Variants in OXR1 observed in about 807,000 individuals in gnomAD.
OXR1 encodes oxidation resistance 1, also known as oxidation resistance protein 1.
In OXR1, 41 loss-of-function variants were observed where a neutral mutation model predicts 104.6. That is an observed-to-expected ratio of 0.39 (90% confidence interval 0.31 to 0.51). The LOEUF (loss-of-function observed/expected upper bound fraction) is 0.51. OXR1 is among the 20% of genes least tolerant of loss of function. OXR1 has a pLI of 0.77. For missense variants in OXR1, 955 were observed against 1,031.9 expected, an observed-to-expected ratio of 0.93 and a Z score of 1.02; for synonymous variants, 348 against 348.4, an observed-to-expected ratio of 1.00 and a Z score of 0.01.
At chr8:106,276,975 C>G (rs1263992345) in intron 1 of OXR1, among the ~76,000 whole-genome samples, 1 of 151,852 alleles carries the variant, frequency 6.6e-6, no homozygotes, top group African/African-American at 2.4e-5. Context: ...GAAGATTGGC[C>G]CTTGCTGATA....
chr8:106,734,612 T>C (rs1834208362), intron 11 of OXR1, among the ~76,000 whole-genome samples: 1 of 152,200 alleles, frequency 6.6e-6, no homozygotes, highest in South Asian at 2.1e-4. Context: ...ATCTAAGAGA[T>C]GAACGTGTTC....
At chr8:106,361,935 TA>T (rs1343555918) in intron 2 of OXR1, among the ~76,000 whole-genome samples, 1 of 152,208 alleles carries the variant, frequency 6.6e-6, no homozygotes, top group East Asian at 1.9e-4. Flanking sequence ...CATGGGAATC[TA>T]AATCAGAAGT....
chr8:106,724,574 A>G (rs1386430867), intron 11 of OXR1, among the ~76,000 whole-genome samples: 2 of 152,208 alleles, frequency 1.3e-5, no homozygotes, highest in Non-Finnish European at 2.9e-5. Context: ...TTAGAAATGC[A>G]AATTCTCAGA....
intron 3 of OXR1, among the ~76,000 whole-genome samples, chr8:106,653,274 T>G (rs1451090700): frequency 6.6e-6 from 1 of 151,606 alleles, no homozygotes; most frequent in Non-Finnish European, 1.5e-5. Context: ...AAGGCCAGTA[T>G]TACCCAAATA....
intron 10 of OXR1, among the ~76,000 whole-genome samples, chr8:106,712,216 C>G (rs951058835): frequency 7.9e-5 from 12 of 151,998 alleles, no homozygotes; most frequent in Admixed American, 2.0e-4. Context: ...ATTTTTGTCA[C>G]AATATTTTTA....
chr8:106,426,142 G>T (rs1441665640), intron 2 of OXR1, among the ~76,000 whole-genome samples: 1 of 152,154 alleles, frequency 6.6e-6, no homozygotes, highest in African/African-American at 2.4e-5. Context: ...TACCTCAGCT[G>T]CTCCCTCATA....
chr8:106,431,865 C>T (rs959104499), intron 2 of OXR1, among the ~76,000 whole-genome samples: 1 of 152,112 alleles, frequency 6.6e-6, no homozygotes, highest in East Asian at 1.9e-4. Context: ...ATTTGATAAC[C>T]TAAAACCCCA....
intron 1 of OXR1, among the ~76,000 whole-genome samples, chr8:106,356,939 T>G (rs1159090057): frequency 6.6e-6 from 1 of 152,072 alleles, no homozygotes; most frequent in Non-Finnish European, 1.5e-5. Context: ...TAAGTGCTCA[T>G]AAAGGCAACA....
chr8:106,502,141 A>T (rs944250851), intron 2 of OXR1, among the ~76,000 whole-genome samples: 1 of 152,238 alleles, frequency 6.6e-6, no homozygotes. Flanking sequence ...AATTACAGGC[A>T]GCAATAGCTT....
Position 106,374,671 on chromosome 8 carries a change from C to G in OXR1, c.23+15035C>G, listed in dbSNP as rs561690951. 4.6e-4 allele frequency among the ~76,000 whole-genome samples: 70 copies of G among 152,234 alleles called. No individual in the cohort carries two copies. The Middle Eastern group carries it at 0.01, about 22-fold the overall frequency. Reference sequence around the variant, plus strand: ...TCTAGGTCTGTTTAGATAAAATGGTCCATGATTTTAGCAACTTCAGTGCTA... The same window carrying G: ...TCTAGGTCTGTTTAGATAAAATGGTGCATGATTTTAGCAACTTCAGTGCTA... On this transcript the variant is annotated intron_variant, in intron 2 of 16. Coordinates refer to ENST00000517566, the MANE Select transcript of OXR1 (RefSeq NM_001198533.2).
At chr8:106,576,073 A>G (rs146083998) in intron 3 of OXR1, among the ~76,000 whole-genome samples, 189 of 152,128 alleles carry the variant, frequency 1.2e-3, no homozygotes, top group African/African-American at 4.2e-3. Context: ...ATAATAACAG[A>G]GTTTAAGTAA....
intron 3 of OXR1, among the ~76,000 whole-genome samples, chr8:106,539,738 AT>A (rs1437396782): frequency 1.3e-5 from 2 of 152,346 alleles, no homozygotes; most frequent in Middle Eastern, 3.4e-3. Flanking sequence ...AGAAATGCAC[AT>A]GAGATAATAC....
At chr8:106,607,531 T>A (rs1820492008) in intron 3 of OXR1, among the ~76,000 whole-genome samples, 1 of 152,230 alleles carries the variant, frequency 6.6e-6, no homozygotes, top group South Asian at 2.1e-4. Flanking sequence ...CAGAACCATC[T>A]CCTGCCTTCC....
chr8:106,462,645 G>A (rs1424297599), intron 2 of OXR1, among the ~76,000 whole-genome samples: 1 of 152,056 alleles, frequency 6.6e-6, no homozygotes, highest in African/African-American at 2.4e-5. Flanking sequence ...ATATTCAAAA[G>A]TCAACAAAAT....
chr8:106,695,417 C>G (rs989160793), intron 7 of OXR1, among the ~76,000 whole-genome samples: 4 of 141,462 alleles, frequency 2.8e-5, no homozygotes, highest in Non-Finnish European at 4.7e-5. Context: ...TGTATATTTT[C>G]TTTTTTTTTT....
chr8:106,642,322 C>T (rs765824726), intron 3 of OXR1, among the ~76,000 whole-genome samples: 11 of 152,140 alleles, frequency 7.2e-5, no homozygotes, highest in Non-Finnish European at 1.3e-4. Flanking sequence ...CCTCCTGTAA[C>T]AAACTTCAAA....
intron 3 of OXR1, among the ~76,000 whole-genome samples, chr8:106,534,542 G>A (rs917817769): frequency 6.6e-6 from 1 of 152,238 alleles, no homozygotes; most frequent in African/African-American, 2.4e-5. Context: ...GCAGTTAGCT[G>A]TGACAGTATA....
intron 3 of OXR1, among the ~76,000 whole-genome samples, chr8:106,596,745 A>G (rs1717832099): frequency 6.6e-6 from 1 of 152,056 alleles, no homozygotes; most frequent in South Asian, 2.1e-4. Context: ...AGTATACGTT[A>G]AATGGTAAAG....
intron 1 of OXR1, among the ~76,000 whole-genome samples, chr8:106,297,566 AT>A (rs113525840): frequency 0.22 from 33,416 of 152,064 alleles, 5,449 homozygotes; most frequent in African/African-American, 0.46. Flanking sequence ...AATGGTAAGT[AT>A]TTGTGTATCT....
Sources: gnomAD v4.1 joint callset for allele counts (sites outside exome capture counted in the v4.1 genomes callset) on GRCh38, gnomAD v4.1.1 for gene constraint, MANE v1.5 for transcripts, NCBI Gene and HGNC (gene_info 2026-07-23, HGNC 2026-07-21) for gene names.